Variants in GTF2A2 observed in about 807,000 individuals in gnomAD.
GTF2A2 encodes general transcription factor IIA subunit 2.
Under a neutral mutation model 14.3 loss-of-function variants are expected in GTF2A2, and 9 were observed. That is an observed-to-expected ratio of 0.63 (90% CI 0.38 to 1.10). The LOEUF is 1.10. Among genes scored for constraint, GTF2A2 ranks in the 50% least tolerant of loss-of-function variants. GTF2A2 has a pLI of 0.01. For missense variants in GTF2A2, 90 were observed against 124.6 expected, an observed-to-expected ratio of 0.72 and a Z score of 1.32; for synonymous variants, 56 against 46.0, an observed-to-expected ratio of 1.22 and a Z score of -0.88.
At chr15:59,643,534 G>C in intron 3 of GTF2A2, among the ~76,000 whole-genome samples, 1 of 133,958 alleles carries the variant, frequency 7.5e-6, no homozygotes, top group South Asian at 2.4e-4. Context: ...TTATAATTAA[G>C]AAAAAAAAAT....
At chr15:59,641,003 G>A (rs1891401895) in intron 4 of GTF2A2, among the ~76,000 whole-genome samples, 1 of 152,126 alleles carries the variant, frequency 6.6e-6, no homozygotes, top group Admixed American at 6.6e-5. Context: ...GAGACTTTCT[G>A]ATATCTGGAA....
At chr15:59,657,342 CG>C (rs1164745672) in intron 1 of GTF2A2, 63 bp downstream of exon 1, 11 of 152,418 alleles carry the variant, frequency 7.2e-5, no homozygotes, top group Admixed American at 2.6e-4. Context: ...ACTCCGACTC[CG>C]GGGGGGCGGC....
intron 3 of GTF2A2, among the ~76,000 whole-genome samples, chr15:59,648,851 G>A (rs989909660): frequency 2.0e-5 from 3 of 151,632 alleles, no homozygotes; most frequent in Non-Finnish European, 4.4e-5. Context: ...GGAGAATGGC[G>A]TGAACCCGGG....
chr15:59,645,464 G>T (rs1410891376), intron 3 of GTF2A2, among the ~76,000 whole-genome samples: 1 of 151,952 alleles, frequency 6.6e-6, no homozygotes, highest in African/African-American at 2.4e-5. Flanking sequence ...GGAAATAGGG[G>T]TTCAAAAAAA....
chr15:59,648,885 G>T (rs1047403171), intron 3 of GTF2A2, among the ~76,000 whole-genome samples: 2 of 152,086 alleles, frequency 1.3e-5, no homozygotes, highest in Admixed American at 1.3e-4. Context: ...AGTGAGCCAA[G>T]ATCTCGCCAC....
At position 59,652,186 on chromosome 15, in the gene GTF2A2, T is replaced by C; in HGVS notation, c.72+20A>G. The C allele has an allele frequency of 7.1e-7, 1 of 1,410,570 alleles. No individual in the cohort carries two copies. The highest frequency in any genetic ancestry group is 2.3e-5 in the East Asian group (1 of 43,704). The allele number at this position is 1,410,570 out of a possible 1,614,324, so 87.4% of individuals were successfully genotyped here. A position where few individuals can be genotyped will look rare whatever the true frequency, so the allele number is the denominator to read the frequency against. ...AACCCATCAAGATAAAAATGTTTGA[T>C]TTTTAATTCAGTCTCCCACCTGTAT... On this transcript the variant is annotated intron_variant, in intron 2 of 4. Coordinates refer to ENST00000396060, the MANE Select transcript of GTF2A2 (RefSeq NM_004492.3).
intron 3 of GTF2A2, among the ~76,000 whole-genome samples, chr15:59,646,347 T>C (rs1242409588): frequency 6.6e-6 from 1 of 152,188 alleles, no homozygotes; most frequent in Admixed American, 6.5e-5. Flanking sequence ...TGAACCACTG[T>C]ACCTTGCCTT....
At chr15:59,654,825 G>C (rs1467171526) in intron 1 of GTF2A2, among the ~76,000 whole-genome samples, 1 of 152,096 alleles carries the variant, frequency 6.6e-6, no homozygotes, top group Non-Finnish European at 1.5e-5. Context: ...AAATGCTTGG[G>C]ACCTGAAGTC....
rs760540870 is a variant in GTF2A2 at position 59,641,124 on chromosome 15, T to G, written c.304+1012A>C. On this transcript the variant is annotated intron_variant, in intron 4 of 4. Transcript: ENST00000396060. The stretch of plus-strand genomic sequence containing the variant: ...ATCCCAGCACTCTGGGAGAAGGAGG[T>G]GGGAAGGTCACCTGAGCCCAGGAGT... Among the ~76,000 whole-genome samples the G allele has an allele frequency of 2.7e-5, 4 of 150,354 alleles. No homozygotes were observed. The South Asian group carries it at 6.3e-4, about 24-fold the overall frequency.
At chr15:59,643,534 G>GA (rs1176657687) in intron 3 of GTF2A2, among the ~76,000 whole-genome samples, 5 of 133,926 alleles carry the variant, frequency 3.7e-5, no homozygotes, top group Admixed American at 7.6e-5. Context: ...TTATAATTAA[G>GA]AAAAAAAAAT....
intron 3 of GTF2A2, among the ~76,000 whole-genome samples, chr15:59,642,740 T>C (rs2141957588): frequency 6.6e-6 from 1 of 152,372 alleles, no homozygotes; most frequent in East Asian, 1.9e-4. Flanking sequence ...ACATTCATTG[T>C]CTTGTGCAAC....
At position 59,639,097 on chromosome 15, in the gene GTF2A2, C is replaced by A. The variant is rs757838627; in HGVS notation, c.*35G>T. On this transcript the variant is annotated 3_prime_UTR_variant, in exon 5 of 5. Transcript: ENST00000396060. ...GCTTCTCTTCAAAAGCAATGAATAACAGAAGATGGTGTAAAAAAGTCATAT... is the reference window on the plus strand; with the variant it reads ...GCTTCTCTTCAAAAGCAATGAATAAAAGAAGATGGTGTAAAAAAGTCATAT... 8.2e-7 allele frequency: 1 copy of A among 1,224,916 alleles called. No individual in the cohort carries two copies. The highest frequency in any genetic ancestry group is 1.7e-5 in the Admixed American group (1 of 58,870). 75.9% of individuals were successfully genotyped at this position (1,224,916 alleles called of 1,614,324 possible). A position where few individuals can be genotyped will look rare whatever the true frequency, so the allele number is the denominator to read the frequency against.
intron 1 of GTF2A2, among the ~76,000 whole-genome samples, chr15:59,654,791 T>C (rs1166472336): frequency 2.6e-5 from 4 of 152,216 alleles, no homozygotes; most frequent in Non-Finnish European, 5.9e-5. Flanking sequence ...CCAATAGCTA[T>C]ACAGGTTGAA....
intron 4 of GTF2A2, among the ~76,000 whole-genome samples, chr15:59,640,717 AATAAAT>A (rs575153426): frequency 2.1e-3 from 326 of 152,302 alleles, no homozygotes; most frequent in African/African-American, 7.4e-3. Context: ...GACTAATAAA[AATAAAT>A]ATAACAAGGG....
intron 3 of GTF2A2, among the ~76,000 whole-genome samples, chr15:59,650,265 G>A (rs1468842739): frequency 6.6e-6 from 1 of 152,182 alleles, no homozygotes; most frequent in African/African-American, 2.4e-5. Context: ...GCAACATGAA[G>A]TTTCTAGAAA....
chr15:59,639,055 TAA>T lies in GTF2A2; in HGVS notation c.*75_*76del, dbSNP rs762323570. Reference sequence around the variant, plus strand: ...GTCATTTCTGCAATTCTAGAATAAATAAAAAGTCTCTTCTATGCTTCTCTTCA... The same window carrying T: ...GTCATTTCTGCAATTCTAGAATAAATAAAGTCTCTTCTATGCTTCTCTTCA... On this transcript the variant is annotated 3_prime_UTR_variant, in exon 5 of 5. Coordinates refer to ENST00000396060, the MANE Select transcript of GTF2A2 (RefSeq NM_004492.3). The T allele has an allele frequency of 3.5e-4, 305 of 861,732 alleles. No individual in the cohort carries two copies. Among genetic ancestry groups the T allele is most frequent in the South Asian group, 7.6e-4 (56 of 73,472 alleles). The allele number at this position is 861,732 out of a possible 1,614,324, so 53.4% of individuals were successfully genotyped here. A position where few individuals can be genotyped will look rare whatever the true frequency, so the allele number is the denominator to read the frequency against.
At chr15:59,640,598 G>C (rs1891382609) in intron 4 of GTF2A2, among the ~76,000 whole-genome samples, 1 of 152,162 alleles carries the variant, frequency 6.6e-6, no homozygotes, top group African/African-American at 2.4e-5. Flanking sequence ...ATTGGAAAAT[G>C]CAACAGAACA....
At chr15:59,640,999 T>G (rs1298880171) in intron 4 of GTF2A2, among the ~76,000 whole-genome samples, 1 of 152,194 alleles carries the variant, frequency 6.6e-6, no homozygotes, top group African/African-American at 2.4e-5. Flanking sequence ...TTCAGAGACT[T>G]TCTGATATCT....
chr15:59,654,880 G>A (rs1409733997), intron 1 of GTF2A2, among the ~76,000 whole-genome samples: 2 of 152,126 alleles, frequency 1.3e-5, no homozygotes, highest in African/African-American at 4.8e-5. Flanking sequence ...TAGTGATTGA[G>A]TACCCCAAAT....
Sources: gnomAD v4.1 joint callset for allele counts (sites outside exome capture counted in the v4.1 genomes callset) on GRCh38, gnomAD v4.1.1 for gene constraint, MANE v1.5 for transcripts, NCBI Gene and HGNC (gene_info 2026-07-23, HGNC 2026-07-21) for gene names.